The following RNF144A variants were observed in gnomAD, a reference collection of about 807,000 sequenced individuals.
RNF144A encodes ring finger protein 144A, also known as E3 ubiquitin-protein ligase RNF144A.
Under a neutral mutation model 38.7 loss-of-function variants are expected in RNF144A, and 11 were observed. The observed-to-expected ratio is 0.28, with a 90% confidence interval of 0.18 to 0.47. RNF144A has a LOEUF of 0.47. RNF144A is among the 20% of genes least tolerant of loss of function. The pLI is 0.99. For synonymous variants in RNF144A, 149 were observed against 143.9 expected (o/e 1.04, Z -0.25); for missense variants, 316 against 377.2 (o/e 0.84, Z 1.34).
At chr2:6,964,927 C>G (rs1245701922) in intron 2 of RNF144A, among the ~76,000 whole-genome samples, 1 of 151,884 alleles carries the variant, frequency 6.6e-6, no homozygotes, top group Non-Finnish European at 1.5e-5. Context: ...ATGTAACTAA[C>G]CTGCGCATTG....
chr2:7,073,684 C>T, the RNF144A span, among the ~76,000 whole-genome samples: 5 of 152,224 alleles, frequency 3.3e-5, no homozygotes, highest in East Asian at 1.9e-4. Context: ...TTGTTAAGCA[C>T]GTACGCTATG....
chr2:7,027,115 C>A (rs1043886167), intron 7 of RNF144A, among the ~76,000 whole-genome samples: 5 of 152,178 alleles, frequency 3.3e-5, no homozygotes, highest in Admixed American at 6.5e-5. Flanking sequence ...CTGTTTCCCC[C>A]AAGCGTGCTT....
rs375927350 is a variant in RNF144A at position 7,035,790 on chromosome 2, A to AT, written c.748-3833dup. 3.4e-3 allele frequency among the ~76,000 whole-genome samples: 525 copies of AT among 152,190 alleles called. 2 individuals carry two copies. The highest frequency in any genetic ancestry group is 0.012 in the African/African-American group (509 of 41,520). On this transcript the variant is annotated intron_variant, in intron 8 of 8. Transcript: ENST00000320892. ...TTTGAGATTGCAGGCTGCTTTCATT[A>AT]TTTTTTACGGGAGCAGAGGTTTTAT...
chr2:7,031,727 A>G (rs1362514969), intron 8 of RNF144A, among the ~76,000 whole-genome samples: 3 of 152,254 alleles, frequency 2.0e-5, no homozygotes, highest in East Asian at 1.9e-4. Flanking sequence ...TTCCTGGACA[A>G]TCTTAAATGC....
intron 2 of RNF144A, among the ~76,000 whole-genome samples, chr2:6,992,032 A>G (rs983660018): frequency 6.6e-6 from 1 of 152,188 alleles, no homozygotes; most frequent in Admixed American, 6.5e-5. Flanking sequence ...ACCCAGAAGA[A>G]ATGGGAGTTA....
chr2:6,989,836 C>T (rs1054915788), intron 2 of RNF144A, among the ~76,000 whole-genome samples: 2 of 151,916 alleles, frequency 1.3e-5, no homozygotes, highest in Non-Finnish European at 2.9e-5. Context: ...TCTAGAATGT[C>T]ATATAATTAG....
chr2:7,042,456 G>C lies in RNF144A; in HGVS notation c.*2696G>C. 1 of 985,494 alleles carries C rather than the reference G, an allele frequency of 1.0e-6. No homozygotes were observed. The highest frequency in any genetic ancestry group is 1.2e-6 in the Non-Finnish European group (1 of 829,946). The allele number at this position is 985,494 out of a possible 1,614,324, so 61.0% of individuals were successfully genotyped here. On this transcript the variant is annotated 3_prime_UTR_variant, in exon 9 of 9. Transcript: ENST00000320892. ...AGCATATGGCATGTGTTCACTAAGA[G>C]GCCTTTAATCCTGGGGAGTAAGGGG...
Position 7,042,086 on chromosome 2 carries a change from A to G in RNF144A, c.*2326A>G. ...TGACTTTTTGTATGAAGCATGCCTC[A>G]GTTTCCTCATTTTGATCTAGATATA... On this transcript the variant is annotated 3_prime_UTR_variant, in exon 9 of 9. Coordinates refer to ENST00000320892, the MANE Select transcript of RNF144A (RefSeq NM_014746.6). 6.1e-6 allele frequency: 6 copies of G among 985,392 alleles called. No homozygotes were observed. The highest frequency in any genetic ancestry group is 7.2e-6 in the Non-Finnish European group (6 of 829,900). The allele number at this position is 985,392 out of a possible 1,614,324, so 61.0% of individuals were successfully genotyped here.
chr2:7,052,027 A>G (rs1424574222), intron 6 of RNF144A, among the ~76,000 whole-genome samples: 1 of 152,134 alleles, frequency 6.6e-6, no homozygotes, highest in Non-Finnish European at 1.5e-5. Flanking sequence ...TCTTAATTAG[A>G]ATGCCTAATT....
intron 8 of RNF144A, 92 bp downstream of exon 8, chr2:7,030,307 ATG>A: frequency 1.6e-6 from 1 of 624,422 alleles, no homozygotes; most frequent in Non-Finnish European, 2.7e-6. Flanking sequence ...GTGTGTGTGT[ATG>A]TATATCTTTA....
chr2:7,033,197 T>G (rs1407779353), intron 8 of RNF144A, among the ~76,000 whole-genome samples: 2 of 152,252 alleles, frequency 1.3e-5, no homozygotes, highest in Non-Finnish European at 2.9e-5. Context: ...TGTATTTTGC[T>G]CTGGAATCTG....
At chr2:6,966,023 G>T (rs1667646506) in intron 2 of RNF144A, among the ~76,000 whole-genome samples, 1 of 152,194 alleles carries the variant, frequency 6.6e-6, no homozygotes, top group Non-Finnish European at 1.5e-5. Context: ...TGTTTACTCA[G>T]CCACAATTGT....
chr2:6,967,187 A>G (rs1667723731), intron 2 of RNF144A, among the ~76,000 whole-genome samples: 1 of 152,164 alleles, frequency 6.6e-6, no homozygotes, highest in Non-Finnish European at 1.5e-5. Context: ...CAGTTCGTAC[A>G]TGTGTGATAA....
intron 2 of RNF144A, among the ~76,000 whole-genome samples, chr2:6,971,470 C>G (rs1208789956): frequency 1.3e-5 from 2 of 152,204 alleles, no homozygotes; most frequent in African/African-American, 4.8e-5. Flanking sequence ...TGAGTTAAGA[C>G]TGAATAACAA....
intron 2 of RNF144A, among the ~76,000 whole-genome samples, chr2:6,955,583 G>A (rs966073165): frequency 1.3e-5 from 2 of 152,136 alleles, no homozygotes; most frequent in African/African-American, 4.8e-5. Context: ...AGTGTCTGGT[G>A]CATTTTCTTT....
At chr2:6,959,888 AATTCCCCTGG>A (rs1667232789) in intron 2 of RNF144A, among the ~76,000 whole-genome samples, 1 of 152,164 alleles carries the variant, frequency 6.6e-6, no homozygotes, top group Non-Finnish European at 1.5e-5. Context: ...TGAAGTTCCC[AATTCCCCTGG>A]ATTCCCCGGG....
intron 1 of RNF144A, among the ~76,000 whole-genome samples, chr2:6,927,584 G>A (rs1451649103): frequency 1.3e-5 from 2 of 152,228 alleles, no homozygotes; most frequent in East Asian, 1.9e-4. Flanking sequence ...TGGAGGGGAA[G>A]CGAGGACCTG....
Position 7,029,618 on chromosome 2 carries a change from G to A in RNF144A, c.658-508G>A, listed in dbSNP as rs560954616. Among the ~76,000 whole-genome samples the A allele has an allele frequency of 1.6e-4, 25 of 152,332 alleles. 1 individual carries two copies. The highest frequency in any genetic ancestry group is 5.5e-4 in the African/African-American group (23 of 41,582). The stretch of plus-strand genomic sequence containing the variant: ...TTCTAGGTGAGAAGCCCGACCTGAT[G>A]GAGGGGGATGGATCAGCAACAAAGA... On this transcript the variant is annotated intron_variant, in intron 7 of 8. Transcript: ENST00000320892.
intron 6 of RNF144A, among the ~76,000 whole-genome samples, chr2:7,049,909 C>G (rs1453496167): frequency 6.6e-6 from 1 of 152,148 alleles, no homozygotes; most frequent in Non-Finnish European, 1.5e-5. Flanking sequence ...GAAAGCAGTC[C>G]AAATGCAACG....
Sources: gnomAD v4.1 joint callset for allele counts (sites outside exome capture counted in the v4.1 genomes callset) on GRCh38, gnomAD v4.1.1 for gene constraint, MANE v1.5 for transcripts, NCBI Gene and HGNC (gene_info 2026-07-23, HGNC 2026-07-21) for gene names.